Variants in TC2N observed in about 807,000 individuals in gnomAD.
TC2N encodes tandem C2 domains nuclear protein.
Under a neutral mutation model 61.9 loss-of-function variants are expected in TC2N, and 51 were observed. The ratio of observed to expected loss-of-function variants is 0.82; its 90% CI spans 0.66 to 1.04. The LOEUF is 1.04. Ranked by LOEUF, TC2N falls within the 50% of genes least tolerant of loss-of-function variation. The pLI, the probability that TC2N is intolerant of heterozygous loss-of-function variation, is 0.00. For synonymous variants in TC2N, 204 were observed against 192.6 expected (o/e 1.06, Z -0.49); for missense variants, 556 against 566.7 (o/e 0.98, Z 0.19).
intron 1 of TC2N, among the ~76,000 whole-genome samples, chr14:91,817,028 T>C (rs1340323002): frequency 6.6e-6 from 1 of 152,016 alleles, no homozygotes; most frequent in Non-Finnish European, 1.5e-5. Flanking sequence ...CTTTATAATC[T>C]GTCTAGCCCT....
chr14:91,859,695 G>T (rs2139925743), intron 1 of TC2N, among the ~76,000 whole-genome samples: 1 of 152,364 alleles, frequency 6.6e-6, no homozygotes, highest in African/African-American at 2.4e-5. Context: ...TGGGGGCTTG[G>T]TGGGCTGCAC....
chr14:91,848,644 A>T (rs901066020), intron 1 of TC2N, among the ~76,000 whole-genome samples: 2 of 152,236 alleles, frequency 1.3e-5, no homozygotes, highest in African/African-American at 4.8e-5. Flanking sequence ...CCAATGAAAT[A>T]GCTAAGGCTT....
intron 1 of TC2N, among the ~76,000 whole-genome samples, chr14:91,830,177 G>A (rs1413271395): frequency 1.3e-5 from 2 of 152,248 alleles, no homozygotes; most frequent in South Asian, 2.1e-4. Flanking sequence ...TATGACCCAG[G>A]AATTCTAATC....
chr14:91,813,553 C>T (rs541746040), intron 2 of TC2N, 150 bp downstream of exon 2: 2 of 579,034 alleles, frequency 3.5e-6, no homozygotes, highest in Non-Finnish European at 6.3e-6. Flanking sequence ...ATGCTCCAGA[C>T]TACTTGAAGT....
intron 1 of TC2N, among the ~76,000 whole-genome samples, chr14:91,852,845 G>T (rs1888401848): frequency 6.6e-6 from 1 of 152,144 alleles, no homozygotes; most frequent in Non-Finnish European, 1.5e-5. Flanking sequence ...GGCAGAGGGG[G>T]CAGATCATGA....
chr14:91,833,164 C>A (rs1422269803), intron 1 of TC2N, among the ~76,000 whole-genome samples: 1 of 152,140 alleles, frequency 6.6e-6, no homozygotes, highest in Admixed American at 6.5e-5. Context: ...AATACATAGG[C>A]ACGGGGCTAT....
chr14:91,809,093 G>T (rs981528168), intron 3 of TC2N, among the ~76,000 whole-genome samples: 2 of 152,138 alleles, frequency 1.3e-5, no homozygotes, highest in African/African-American at 4.8e-5. Context: ...CCAGGCACTA[G>T]GTTCATCTTT....
At chr14:91,793,582 A>T (rs1885760308) in intron 8 of TC2N, among the ~76,000 whole-genome samples, 1 of 152,148 alleles carries the variant, frequency 6.6e-6, no homozygotes, top group African/African-American at 2.4e-5. Flanking sequence ...TTTCATTATT[A>T]TTATATCTGT....
intron 11 of TC2N, among the ~76,000 whole-genome samples, chr14:91,784,227 C>A (rs1030949835): frequency 2.6e-5 from 4 of 151,960 alleles, no homozygotes; most frequent in African/African-American, 9.7e-5. Context: ...CCATTCATAC[C>A]GTTAAGTTGA....
chr14:91,864,984 C>T (rs1415380847), intron 1 of TC2N, among the ~76,000 whole-genome samples: 5 of 151,986 alleles, frequency 3.3e-5, no homozygotes, highest in Middle Eastern at 6.8e-3. Context: ...TTCACCATGT[C>T]GACCAGGCTG....
chr14:91,845,624 C>T (rs1172152156), intron 1 of TC2N, among the ~76,000 whole-genome samples: 1 of 152,182 alleles, frequency 6.6e-6, no homozygotes, highest in Non-Finnish European at 1.5e-5. Context: ...GTATTCTATT[C>T]CTACCCTTAC....
chr14:91,858,152 C>CTTCTTTTT (rs1555373188), intron 1 of TC2N, among the ~76,000 whole-genome samples: 88 of 92,292 alleles, frequency 9.5e-4, no homozygotes, highest in Non-Finnish European at 1.3e-3. Flanking sequence ...TCTTCTTCTT[C>CTTCTTTTT]TTTTTTTTTT....
chr14:91,808,489 T>C (rs1248272772), intron 3 of TC2N, among the ~76,000 whole-genome samples: 2 of 152,234 alleles, frequency 1.3e-5, no homozygotes, highest in Admixed American at 1.3e-4. Context: ...TCTGCTCTAT[T>C]CACTCAAAAT....
intron 1 of TC2N, among the ~76,000 whole-genome samples, chr14:91,820,441 T>C (rs927970850): frequency 1.9e-4 from 29 of 151,196 alleles, no homozygotes; most frequent in African/African-American, 6.8e-4. Flanking sequence ...ATACTGAGAA[T>C]AGAAGAGAAT....
chr14:91,783,912 T>C (rs554940164), intron 11 of TC2N, among the ~76,000 whole-genome samples: 28 of 152,266 alleles, frequency 1.8e-4, no homozygotes, highest in Non-Finnish European at 2.9e-4. Flanking sequence ...AGCAGGTCAT[T>C]GGTTTCAACC....
rs1311715411 is a variant in TC2N, at chr14:91,800,175, A to G, written c.561+106T>C. 7.0e-6 allele frequency: 4 copies of G among 571,340 alleles called. No individual in the cohort carries two copies. The African/African-American group carries it at 7.8e-5, about 11-fold the overall frequency. The allele number at this position is 571,340 out of a possible 1,614,324, so 35.4% of individuals were successfully genotyped here. A position where few individuals can be genotyped will look rare whatever the true frequency, so the allele number is the denominator to read the frequency against. On this transcript the variant is annotated intron_variant, in intron 5 of 11. Transcript: ENST00000435962. ...ATTCTTCAGATATCAGAACAGATAC[A>G]TCTACAAAAAATATACAGCATATTC...
At chr14:91,860,321 C>A (rs1416559140) in intron 1 of TC2N, among the ~76,000 whole-genome samples, 1 of 138,862 alleles carries the variant, frequency 7.2e-6, no homozygotes, top group Non-Finnish European at 1.6e-5. Context: ...GGGGGGAAAT[C>A]ATTTCCTTGC....
intron 1 of TC2N, among the ~76,000 whole-genome samples, chr14:91,862,339 C>CAAAAAA (rs56816512): frequency 9.4e-6 from 1 of 106,480 alleles, no homozygotes; most frequent in African/African-American, 3.4e-5. Flanking sequence ...GACTCTGTCT[C>CAAAAAA]AAAAAAAAAA....
At chr14:91,817,690 TA>T (rs968216266) in intron 1 of TC2N, among the ~76,000 whole-genome samples, 2 of 152,060 alleles carry the variant, frequency 1.3e-5, no homozygotes, top group African/African-American at 4.8e-5. Flanking sequence ...TATTTAACAT[TA>T]ACCATGACAG....
Sources: allele counts gnomAD v4.1 joint callset (sites outside exome capture counted in the v4.1 genomes callset), GRCh38; gene constraint gnomAD v4.1.1; transcripts MANE v1.5; gene names NCBI Gene and HGNC (gene_info 2026-07-23, HGNC 2026-07-21).